Variants in OTOGL observed in about 807,000 individuals in gnomAD.
The protein encoded by OTOGL is otogelin-like protein.
Under a neutral mutation model 318.5 loss-of-function variants are expected in OTOGL, and 285 were observed. The observed-to-expected ratio is 0.89, with a 90% confidence interval of 0.81 to 0.99. The LOEUF is 0.99. OTOGL is among the 50% of genes least tolerant of loss of function. OTOGL has a pLI of 0.00. For synonymous variants in OTOGL, 987 were observed against 936.5 expected, an observed-to-expected ratio of 1.05 and a Z score of -0.99; for missense variants, 2,899 against 2,845.6, an observed-to-expected ratio of 1.02 and a Z score of -0.43.
At chr12:80,339,317 T>TTC in intron 43 of OTOGL, 53 bp downstream of exon 43, 1 of 1,404,738 alleles carries the variant, frequency 7.1e-7, no homozygotes. Flanking sequence ...TTTTTTTTTT[T>TTC]TTTTTTCTAT....
At position 80,210,843 on chromosome 12, in the gene OTOGL, G is replaced by A; in HGVS notation, c.80-4G>A. The A allele has an allele frequency of 1.4e-6, 2 of 1,454,402 alleles. No homozygotes were observed. The highest frequency in any genetic ancestry group is 2.6e-5 in the East Asian group (1 of 37,892). The allele number at this position is 1,454,402 out of a possible 1,614,324, so 90.1% of individuals were successfully genotyped here. A position where few individuals can be genotyped will look rare whatever the true frequency, so the allele number is the denominator to read the frequency against. Reference sequence around the variant, plus strand: ...TTTCATTCTTATATATTTGTCTCTGGCAGAATATATTTGTGCATCGTCTAT... The same window carrying A: ...TTTCATTCTTATATATTTGTCTCTGACAGAATATATTTGTGCATCGTCTAT... On this transcript the variant is annotated splice_polypyrimidine_tract_variant and splice_region_variant and intron_variant, in intron 2 of 58. Transcript: ENST00000547103.
intron 7 of OTOGL, among the ~76,000 whole-genome samples, chr12:80,228,944 C>A (rs1016403239): frequency 1.3e-5 from 2 of 152,134 alleles, no homozygotes; most frequent in African/African-American, 4.8e-5. Context: ...TTCTTTGTGG[C>A]ACTCCAGAGT....
chr12:80,302,644 G>A lies in OTOGL; in HGVS notation c.3074G>A (p.Gly1025Asp), dbSNP rs998322212. The A allele has an allele frequency of 3.7e-6, 5 of 1,367,718 alleles. No homozygotes were observed. Among genetic ancestry groups the A allele is most frequent in the Non-Finnish European group, 4.7e-6 (5 of 1,056,822 alleles). 84.7% of individuals were successfully genotyped at this position (1,367,718 alleles called of 1,614,324 possible). A position where few individuals can be genotyped will look rare whatever the true frequency, so the allele number is the denominator to read the frequency against. Residue 1025 changes from glycine (G) to aspartate (D), a missense_variant, in exon 28 of 59, where the codon GGT becomes GAT. By Grantham distance (94) the Gly-to-Asp change is moderately conservative (BLOSUM62 -1). Around this residue, in one of 3 missense-constraint regions of OTOGL, gnomAD observed 2,607 missense variants for 2,524.9 expected, o/e 1.03. Transcript: ENST00000547103. ...TTTTTTGTTTTTAAGAAACAATCAG[G>A]TTTTTTTCTGGAAAACAAATCTACC... ...NDTPYKQKQS[G>D]FFLENKSTYQ...
At chr12:80,327,950 C>T (rs1887795075) in intron 35 of OTOGL, among the ~76,000 whole-genome samples, 1 of 87,658 alleles carries the variant, frequency 1.1e-5, no homozygotes, top group Non-Finnish European at 2.0e-5. Flanking sequence ...CAGAGCGAGA[C>T]TCTGTCTCAA....
In OTOGL at chr12:80,346,596, G is replaced by A. The variant is rs1021522132; in HGVS notation, c.5265+4434G>A. Among the ~76,000 whole-genome samples the A allele has an allele frequency of 5.3e-5, 8 of 152,210 alleles. No individual in the cohort carries two copies. The South Asian group carries it at 8.3e-4, about 16-fold the overall frequency. On this transcript the variant is annotated intron_variant, in intron 44 of 58. Transcript: ENST00000547103. ...ACAGTATAAGAACCTTTCAGTGTCC[G>A]TCATCCAGATTAAAAAACCATTTAA...
intron 35 of OTOGL, 51 bp downstream of exon 35, chr12:80,323,891 G>T: frequency 1.5e-6 from 2 of 1,379,154 alleles, no homozygotes; most frequent in Non-Finnish European, 2.0e-6. Context: ...AGCAAATTCT[G>T]TTTTCAGTTG....
At chr12:80,337,810 T>G (rs1351771981) in intron 42 of OTOGL, among the ~76,000 whole-genome samples, 1 of 152,098 alleles carries the variant, frequency 6.6e-6, no homozygotes, top group African/African-American at 2.4e-5. Context: ...CCTAAAAATG[T>G]AAGAAGATAT....
chr12:80,203,945 T>C (rs1876635677), intron 1 of OTOGL, among the ~76,000 whole-genome samples: 1 of 152,228 alleles, frequency 6.6e-6, no homozygotes, highest in Non-Finnish European at 1.5e-5. Flanking sequence ...AAGAATCACC[T>C]CTGCATTCTC....
intron 58 of OTOGL, among the ~76,000 whole-genome samples, 153 bp from the exon 59 acceptor site, chr12:80,377,695 A>G (rs1891243367): frequency 6.6e-6 from 1 of 152,038 alleles, no homozygotes; most frequent in Non-Finnish European, 1.5e-5. Flanking sequence ...CTGATGTTTC[A>G]TTTATTGTTT....
intron 30 of OTOGL, 74 bp downstream of exon 30, chr12:80,310,801 C>A: frequency 8.5e-7 from 1 of 1,176,180 alleles, no homozygotes; most frequent in Admixed American, 2.2e-5. Flanking sequence ...GTGAACACGA[C>A]ACGTAACTGG....
rs779080777 is a variant in OTOGL at position 80,222,119 on chromosome 12, G to A, written c.363G>A (p.Gly121=). The change falls in exon 7 of 59, where the codon GGG becomes GGA. Residue 121 remains glycine, a synonymous_variant. Coordinates refer to ENST00000547103, the MANE Select transcript of OTOGL (RefSeq NM_001378609.3). Reference sequence around the variant, plus strand: ...CAAACATGGGCAACGGCAGAGATGGGATTTGTAAAACCTGGGGACAGTATC... The same window carrying A: ...CAAACATGGGCAACGGCAGAGATGGAATTTGTAAAACCTGGGGACAGTATC... ...IIPNMGNGRD[G]ICKTWGQYHF... The A allele has an allele frequency of 1.0e-5, 16 of 1,598,506 alleles. No homozygotes were observed. Among genetic ancestry groups the A allele is most frequent in the Middle Eastern group, 3.3e-4 (2 of 6,074 alleles).
At chr12:80,249,552 C>A (rs945478803) in intron 11 of OTOGL, among the ~76,000 whole-genome samples, 1 of 151,828 alleles carries the variant, frequency 6.6e-6, no homozygotes, top group South Asian at 2.1e-4. Flanking sequence ...GCTGGGAGAA[C>A]CACTGCTCTC....
chr12:80,180,152 GGTC>G (rs1165359776), intron 1 of OTOGL, among the ~76,000 whole-genome samples: 40 of 148,500 alleles, frequency 2.7e-4, no homozygotes, highest in African/African-American at 9.0e-4. Flanking sequence ...GGATATGGAG[GGTC>G]ATAGGCTCTG....
chr12:80,208,089 C>T (rs928149438), intron 1 of OTOGL: 8 of 450,012 alleles, frequency 1.8e-5, no homozygotes, highest in Admixed American at 7.6e-5. Context: ...GGAGGGGGGA[C>T]AGTCACATAA....
chr12:80,330,499 T>G (rs1007106101), intron 37 of OTOGL, among the ~76,000 whole-genome samples: 1 of 152,180 alleles, frequency 6.6e-6, no homozygotes, highest in Non-Finnish European at 1.5e-5. Flanking sequence ...GAAATAAGAT[T>G]GCATGTTTTA....
rs371565107 is a variant in OTOGL at position 80,271,757 on chromosome 12, C to T, written c.2628C>T (p.Asn876=). ...CTACATGTGCAAACCTAGCCATGAA[C>T]TTCACCTGCACCCCATCCTCACCCT... ...CETTCANLAM[N]FTCTPSSPCI... Residue 876 remains asparagine, a synonymous_variant, in exon 24 of 59, where the codon AAC becomes AAT. Transcript: ENST00000547103. 114 of 1,613,208 alleles carry T rather than the reference C, an allele frequency of 7.1e-5. No individual in the cohort carries two copies. The African/African-American group carries it at 8.3e-4, about 12-fold the overall frequency.
intron 8 of OTOGL, among the ~76,000 whole-genome samples, chr12:80,229,860 T>G (rs1373571213): frequency 6.6e-6 from 1 of 152,154 alleles, no homozygotes; most frequent in Non-Finnish European, 1.5e-5. Context: ...TCCACGGAAG[T>G]TCTGACAGAC....
At chr12:80,225,899 A>T (rs893090411) in intron 7 of OTOGL, among the ~76,000 whole-genome samples, 3 of 152,050 alleles carry the variant, frequency 2.0e-5, no homozygotes, top group African/African-American at 7.2e-5. Context: ...TTTAAATTCT[A>T]TTTTATTTTT....
Position 80,254,541 on chromosome 12 carries a change from T to C in OTOGL, c.1412T>C (p.Val471Ala). The C allele has an allele frequency of 1.2e-6, 2 of 1,608,208 alleles. No individual in the cohort carries two copies. The highest frequency in any genetic ancestry group is 1.7e-6 in the Non-Finnish European group (2 of 1,175,990). Residue 471 changes from valine to alanine, a missense_variant, in exon 15 of 59, where the codon GTT becomes GCT. By Grantham distance (64) the Val-to-Ala change is moderately conservative (BLOSUM62 0). Transcript: ENST00000547103. ...TCTTTTAGTGTGTGTGTTGGTGGAG[T>C]TTGGAACTGCACTGAGCAAGACTGT... is the stretch of plus-strand genomic sequence containing the variant. ...ECTECVCVGG[V>A]WNCTEQDCPV...
Sources: gnomAD v4.1 joint callset for allele counts (sites outside exome capture counted in the v4.1 genomes callset) on GRCh38, gnomAD v4.1.1 for gene constraint, gnomAD v4.1.1 regional missense constraint, MANE v1.5 for transcripts, NCBI Gene and HGNC (gene_info 2026-07-23, HGNC 2026-07-21) for gene names.